The following ADGRF5 variants were observed in gnomAD, a reference collection of about 807,000 sequenced individuals.
ADGRF5 encodes G-protein coupled receptor 116.
ADGRF5 carries 75 observed loss-of-function variants against 132.3 expected under a neutral mutation model. That is an observed-to-expected ratio of 0.57 (90% CI 0.47 to 0.69). The LOEUF is 0.69. Ranked by LOEUF, ADGRF5 falls within the 30% of genes least tolerant of loss-of-function variation. The pLI is 0.00. For missense variants in ADGRF5, 1,516 were observed against 1,630.6 expected (o/e 0.93, Z 1.21); for synonymous variants, 629 against 597.6 (o/e 1.05, Z -0.77).
At chr6:46,953,655 A>G (rs1295664004) in intron 1 of ADGRF5, among the ~76,000 whole-genome samples, 50 of 22,058 alleles carry the variant, frequency 2.3e-3, no homozygotes, top group African/African-American at 4.1e-3. Flanking sequence ...ATATGTGTAT[A>G]TATATATATA....
At chr6:46,931,523 T>C (rs1269727572) in intron 1 of ADGRF5, among the ~76,000 whole-genome samples, 1 of 152,170 alleles carries the variant, frequency 6.6e-6, no homozygotes, top group Non-Finnish European at 1.5e-5. Flanking sequence ...ACTTCTTCCT[T>C]CTTATAAACC....
Position 46,901,691 on chromosome 6 carries a change from C to T in ADGRF5, c.103-1608G>A, listed in dbSNP as rs199544872. ...CAGCTCCAGAGTCTGCACTTGTCCA[C>T]GCAGGCACTGCATCATCTTATCAGC... On this transcript the variant is annotated intron_variant, in intron 2 of 20. Transcript: ENST00000283296. Among the ~76,000 whole-genome samples, 15 of 152,198 alleles carry T rather than the reference C, an allele frequency of 9.9e-5. No individual in the cohort carries two copies. In the East Asian group the frequency reaches 2.1e-3, roughly 22 times the overall value.
At chr6:46,927,273 T>C (rs771528572) in intron 1 of ADGRF5, among the ~76,000 whole-genome samples, 5 of 80,264 alleles carry the variant, frequency 6.2e-5, no homozygotes, top group Non-Finnish European at 1.1e-4. Flanking sequence ...AAAATCAGAA[T>C]AAAAAAATGT....
chr6:46,903,256 T>A (rs1018538784), intron 2 of ADGRF5, among the ~76,000 whole-genome samples: 4 of 152,140 alleles, frequency 2.6e-5, no homozygotes, highest in African/African-American at 7.2e-5. Flanking sequence ...GGCAGTGTAT[T>A]TACTTCAGAC....
chr6:46,888,811 A>G (rs758185688), intron 3 of ADGRF5, among the ~76,000 whole-genome samples: 11 of 152,120 alleles, frequency 7.2e-5, no homozygotes, highest in Admixed American at 2.0e-4. Flanking sequence ...GACTCAAAGG[A>G]GTGAGTCAGT....
chr6:46,888,337 G>A lies in ADGRF5; in HGVS notation c.326C>T (p.Thr109Ile). ...ITDILSINVT[T>I]VCRPAGNEIW... The stretch of plus-strand genomic sequence containing the variant: ...GAAGCAATGGGTCTCTTACTCACCT[G>A]TTGTCACATTTATGCTCAAAATGTC... The change falls in exon 4 of 21, where the codon ACA becomes ATA. Residue 109 changes from threonine to isoleucine, a missense_variant and splice_region_variant. This residue lies in a region of ADGRF5 where 945 missense variants were observed against 929.4 expected (regional missense o/e 1.02). Coordinates refer to ENST00000283296, the MANE Select transcript of ADGRF5 (RefSeq NM_001098518.2). 1.2e-6 allele frequency: 2 copies of A among 1,602,356 alleles called. No individual in the cohort carries two copies. Among genetic ancestry groups the A allele is most frequent in the Non-Finnish European group, 1.7e-6 (2 of 1,169,356 alleles).
intron 13 of ADGRF5, among the ~76,000 whole-genome samples, chr6:46,866,403 T>TATAA (rs1223808316): frequency 6.6e-6 from 1 of 152,180 alleles, no homozygotes; most frequent in African/African-American, 2.4e-5. Flanking sequence ...GCACAGTCTT[T>TATAA]ACTTTTATGC....
intron 1 of ADGRF5, among the ~76,000 whole-genome samples, chr6:46,914,676 C>T (rs1329535557): frequency 6.6e-6 from 1 of 151,616 alleles, no homozygotes. Context: ...AAAAGATTGC[C>T]ATCTATGTGA....
At chr6:46,875,504 G>T (rs1771554046) in intron 10 of ADGRF5, among the ~76,000 whole-genome samples, 2 of 152,158 alleles carry the variant, frequency 1.3e-5, no homozygotes, top group South Asian at 4.1e-4. Flanking sequence ...CAGAGTTGAG[G>T]CCAGGTGTAG....
chr6:46,891,569 A>T (rs1393482531), intron 3 of ADGRF5, among the ~76,000 whole-genome samples: 1 of 152,048 alleles, frequency 6.6e-6, no homozygotes, highest in Non-Finnish European at 1.5e-5. Flanking sequence ...TAACAAATTC[A>T]TATCATATCC....
At chr6:46,902,916 G>C (rs1291267339) in intron 2 of ADGRF5, among the ~76,000 whole-genome samples, 1 of 152,200 alleles carries the variant, frequency 6.6e-6, no homozygotes, top group Non-Finnish European at 1.5e-5. Flanking sequence ...GACCTGATTT[G>C]AATAGAGCAA....
At chr6:46,883,384 C>G (rs1772699424) in intron 6 of ADGRF5, among the ~76,000 whole-genome samples, 175 bp downstream of exon 6, 1 of 152,204 alleles carries the variant, frequency 6.6e-6, no homozygotes, top group Non-Finnish European at 1.5e-5. Context: ...GTCACACTGT[C>G]CCCTAAACAT....
intron 20 of ADGRF5, among the ~76,000 whole-genome samples, chr6:46,855,717 C>G (rs577389352): frequency 7.2e-5 from 11 of 152,332 alleles, no homozygotes; most frequent in African/African-American, 2.6e-4. Context: ...TGACAGATAG[C>G]TCTCCAAATC....
chr6:46,880,855 C>G (rs935245703), intron 8 of ADGRF5, among the ~76,000 whole-genome samples: 1 of 151,920 alleles, frequency 6.6e-6, no homozygotes, highest in Non-Finnish European at 1.5e-5. Flanking sequence ...CTTTGGGAGG[C>G]TAAGGTGGGA....
chr6:46,888,263 TACTC>T, intron 4 of ADGRF5, 68 bp downstream of exon 4: 2 of 1,084,494 alleles, frequency 1.8e-6, no homozygotes, highest in East Asian at 2.4e-5. Flanking sequence ...ATTGCTCTGA[TACTC>T]AGGAGCTCAG....
chr6:46,863,776 A>G (rs80201325), intron 14 of ADGRF5, among the ~76,000 whole-genome samples: 1,583 of 152,194 alleles, frequency 0.01, 29 homozygotes, highest in African/African-American at 0.035. Context: ...TAAATAAGTA[A>G]TGTTCTACTA....
In ADGRF5 at chr6:46,857,452, C is replaced by T. The variant is rs529781223; in HGVS notation, c.3775-544G>A. Reference sequence around the variant, plus strand: ...GGCAAGTTTTTTTCTATCCTTACCACCTCTCCATTGGGTGAAACAGAATTA... The same window carrying T: ...GGCAAGTTTTTTTCTATCCTTACCATCTCTCCATTGGGTGAAACAGAATTA... On this transcript the variant is annotated intron_variant, in intron 17 of 20. Transcript: ENST00000283296. 2.0e-5 allele frequency among the ~76,000 whole-genome samples: 3 copies of T among 152,190 alleles called. No individual in the cohort carries two copies. In the South Asian group the frequency reaches 6.2e-4, roughly 31 times the overall value.
At chr6:46,885,484 A>G (rs1772977407) in intron 4 of ADGRF5, among the ~76,000 whole-genome samples, 2 of 152,186 alleles carry the variant, frequency 1.3e-5, no homozygotes, top group African/African-American at 4.8e-5. Flanking sequence ...TTCCTTTTAC[A>G]TCCCGCACTC....
At chr6:46,926,486 G>T (rs199586801), upstream of ADGRF5, among the ~76,000 whole-genome samples, 6 of 151,980 alleles carry the variant, frequency 3.9e-5, no homozygotes, top group Non-Finnish European at 7.4e-5. Context: ...CGGGTGAGGG[G>T]GGGGGCAGTG....
Sources: allele counts gnomAD v4.1 joint callset (sites outside exome capture counted in the v4.1 genomes callset), GRCh38; gene constraint gnomAD v4.1.1; regional missense constraint gnomAD v4.1.1; transcripts MANE v1.5; gene names NCBI Gene and HGNC (gene_info 2026-07-23, HGNC 2026-07-21).